Variants in KAZN observed in about 807,000 individuals in gnomAD.
KAZN encodes the protein kazrin, periplakin interacting protein, also known as kazrin.
KAZN carries 40 observed loss-of-function variants against 87.4 expected under a neutral mutation model. The ratio of observed to expected loss-of-function variants is 0.46; its 90% CI spans 0.36 to 0.60. The LOEUF is 0.60. Ranked by LOEUF, KAZN falls within the 20% of genes least tolerant of loss-of-function variation. The probability of loss-of-function intolerance (pLI) is 0.00; values close to 1 mark genes in which losing one functional copy is unlikely to be tolerated. For missense variants in KAZN, 898 were observed against 1,073.9 expected (o/e 0.84, Z 2.29); for synonymous variants, 466 against 458.3 (o/e 1.02, Z -0.22).
chr1:13,902,506 T>C (rs1469794534), intron 1 of KAZN, among the ~76,000 whole-genome samples: 1 of 152,142 alleles, frequency 6.6e-6, no homozygotes, highest in Non-Finnish European at 1.5e-5. Flanking sequence ...TTTTTATCAC[T>C]TGTGTTCCCA....
chr1:13,967,084 C>A (rs1017483444), intron 1 of KAZN, among the ~76,000 whole-genome samples: 6 of 152,046 alleles, frequency 3.9e-5, no homozygotes, highest in Non-Finnish European at 8.8e-5. Flanking sequence ...TTCTGTAGCA[C>A]CTTAGATGGG....
intron 1 of KAZN, among the ~76,000 whole-genome samples, chr1:13,922,661 T>C (rs1640111930): frequency 6.6e-6 from 1 of 152,114 alleles, no homozygotes; most frequent in Non-Finnish European, 1.5e-5. Context: ...GATTTACAGC[T>C]TTAAAGGCAC....
intron 1 of KAZN, among the ~76,000 whole-genome samples, chr1:14,129,219 G>T (rs929783207): frequency 6.6e-6 from 1 of 152,254 alleles, no homozygotes; most frequent in Non-Finnish European, 1.5e-5. Context: ...AGAGAGGAAG[G>T]CATGAAAGGG....
At chr1:14,093,609 T>C (rs1238717295) in intron 1 of KAZN, among the ~76,000 whole-genome samples, 8 of 151,998 alleles carry the variant, frequency 5.3e-5, no homozygotes, top group Non-Finnish European at 1.0e-4. Context: ...GACATTCTTG[T>C]AGGGGAGTTC....
At chr1:14,979,435 T>C (rs2101887258) in intron 2 of KAZN, among the ~76,000 whole-genome samples, 1 of 151,626 alleles carries the variant, frequency 6.6e-6, no homozygotes, top group Non-Finnish European at 1.5e-5. Context: ...TAAGAACAAA[T>C]ATAAAGTGAG....
At chr1:14,370,548 T>C (rs981798109) in intron 2 of KAZN, among the ~76,000 whole-genome samples, 1 of 152,196 alleles carries the variant, frequency 6.6e-6, no homozygotes, top group Non-Finnish European at 1.5e-5. Context: ...CTGGGGGGTA[T>C]AGACACGATT....
At chr1:14,054,093 C>T (rs192066445) in intron 1 of KAZN, among the ~76,000 whole-genome samples, 79 of 150,998 alleles carry the variant, frequency 5.2e-4, no homozygotes, top group Admixed American at 1.1e-3. Flanking sequence ...AGTGGTTTGT[C>T]CGTGAGTTTT....
intron 1 of KAZN, among the ~76,000 whole-genome samples, chr1:14,741,824 C>T (rs1644107968): frequency 6.6e-6 from 1 of 152,150 alleles, no homozygotes; most frequent in African/African-American, 2.4e-5. Flanking sequence ...ATTCTGGTGG[C>T]ATGTTTTATG....
At chr1:14,219,398 A>G (rs909906596) in intron 2 of KAZN, among the ~76,000 whole-genome samples, 1 of 152,210 alleles carries the variant, frequency 6.6e-6, no homozygotes, top group Non-Finnish European at 1.5e-5. Flanking sequence ...TTATTAAACT[A>G]AGCATTTATT....
intron 2 of KAZN, among the ~76,000 whole-genome samples, chr1:14,475,994 T>C (rs978320148): frequency 1.3e-5 from 2 of 152,120 alleles, no homozygotes; most frequent in South Asian, 2.1e-4. Context: ...GTTATCATTG[T>C]TTGAGCATTT....
chr1:14,914,270 A>T (rs1657561470), intron 1 of KAZN, among the ~76,000 whole-genome samples: 1 of 152,194 alleles, frequency 6.6e-6, no homozygotes. Flanking sequence ...TTACCTGATT[A>T]GTCCCCCTGG....
rs562384944 is a variant in KAZN at position 14,086,648 on chromosome 1, A to G, written c.92-93787A>G. 1.4e-4 allele frequency among the ~76,000 whole-genome samples: 21 copies of G among 152,350 alleles called. No individual in the cohort carries two copies. The South Asian group carries it at 4.1e-3, about 30-fold the overall frequency. On this transcript the variant is annotated intron_variant, in intron 1 of 16. Transcript: ENST00000636203. ...TATTTAAGTAGACTTTGCTGTACTC[A>G]AAGAATTAATATTTTCTCCTATTTT...
intron 1 of KAZN, among the ~76,000 whole-genome samples, chr1:14,618,672 G>A (rs1490401364): frequency 6.6e-6 from 1 of 152,244 alleles, no homozygotes; most frequent in East Asian, 1.9e-4. Context: ...TGACCACACT[G>A]TGGGTATAGT....
intron 1 of KAZN, among the ~76,000 whole-genome samples, chr1:14,913,473 G>A (rs1429540103): frequency 2.0e-5 from 3 of 152,172 alleles, no homozygotes; most frequent in African/African-American, 7.2e-5. Context: ...TAACAATCCT[G>A]GGAAAAGAAG....
intron 8 of KAZN, among the ~76,000 whole-genome samples, chr1:15,076,423 G>A (rs12024334): frequency 0.14 from 21,916 of 152,144 alleles, 2,241 homozygotes; most frequent in East Asian, 0.59. Context: ...ATCGGCACAT[G>A]CCAGCTGTGC....
chr1:14,125,393 G>C (rs940969799), intron 1 of KAZN, among the ~76,000 whole-genome samples: 1 of 152,190 alleles, frequency 6.6e-6, no homozygotes, highest in Non-Finnish European at 1.5e-5. Flanking sequence ...GACCTTGATT[G>C]GAAAAAGGAT....
chr1:14,177,581 T>C (rs757613739), intron 1 of KAZN, among the ~76,000 whole-genome samples: 2 of 152,176 alleles, frequency 1.3e-5, no homozygotes, highest in East Asian at 1.9e-4. Flanking sequence ...ACTTTCGAAA[T>C]GTCAATTTTT....
At chr1:14,557,076 G>C (rs1397128293) in intron 2 of KAZN, among the ~76,000 whole-genome samples, 1 of 151,986 alleles carries the variant, frequency 6.6e-6, no homozygotes, top group Non-Finnish European at 1.5e-5. Flanking sequence ...AAATAGCAGG[G>C]GGATGAAAAA....
intron 1 of KAZN, among the ~76,000 whole-genome samples, chr1:14,096,350 AC>A (rs1644127680): frequency 6.6e-6 from 1 of 152,200 alleles, no homozygotes; most frequent in African/African-American, 2.4e-5. Flanking sequence ...ACCTCTTTCA[AC>A]TGATGCTACA....
Sources: allele counts gnomAD v4.1 joint callset (sites outside exome capture counted in the v4.1 genomes callset), GRCh38; gene constraint gnomAD v4.1.1; transcripts MANE v1.5; gene names NCBI Gene and HGNC (gene_info 2026-07-23, HGNC 2026-07-21).